SLC51B: variants seen among roughly 807,000 people sequenced by gnomAD.
SLC51B encodes organic solute transporter subunit beta.
Under a neutral mutation model 8.0 loss-of-function variants are expected in SLC51B, and 6 were observed. The observed-to-expected ratio is 0.75, with a 90% CI of 0.41 to 1.48. SLC51B has a LOEUF of 1.48. Among genes scored for constraint, SLC51B ranks in the 40% most tolerant of loss-of-function variants. The pLI, the probability that SLC51B is intolerant of heterozygous loss-of-function variation, is 0.01. For missense variants in SLC51B, 150 were observed against 149.7 expected (o/e 1.00, Z -0.01); for synonymous variants, 61 against 54.8 (o/e 1.11, Z -0.50).
At chr15:65,050,740 T>C (rs965612453) in intron 2 of SLC51B, among the ~76,000 whole-genome samples, 4 of 152,084 alleles carry the variant, frequency 2.6e-5, no homozygotes, top group African/African-American at 9.7e-5. Flanking sequence ...CACATTCAGT[T>C]TAGTCACTTC....
Position 65,049,906 on chromosome 15 carries a change from C to G in SLC51B, c.-99C>G, listed in dbSNP as rs2086626595. The G allele has an allele frequency of 2.4e-6, 2 of 820,036 alleles. No homozygotes were observed. Among genetic ancestry groups the G allele is most frequent in the African/African-American group, 1.8e-5 (1 of 56,992 alleles). The allele number at this position is 820,036 out of a possible 1,614,324, so 50.8% of individuals were successfully genotyped here. A position where few individuals can be genotyped will look rare whatever the true frequency, so the allele number is the denominator to read the frequency against. On this transcript the variant is annotated 5_prime_UTR_variant, in exon 2 of 4. Transcript: ENST00000334287. ...TCTGCTTTGTTTCCAGGGGTCTTCACGGCTTCTCTGCCCAGGGGCCAGAAC... is the reference window on the plus strand; with the variant it reads ...TCTGCTTTGTTTCCAGGGGTCTTCAGGGCTTCTCTGCCCAGGGGCCAGAAC...
chr15:65,049,025 A>AG (rs2086612124), intron 1 of SLC51B, among the ~76,000 whole-genome samples: 1 of 151,932 alleles, frequency 6.6e-6, no homozygotes, highest in Non-Finnish European at 1.5e-5. Context: ...AAAAAAAAAA[A>AG]AAGCGAAATA....
intron 1 of SLC51B, among the ~76,000 whole-genome samples, chr15:65,047,684 T>G (rs2086594204): frequency 6.6e-6 from 1 of 152,170 alleles, no homozygotes; most frequent in Non-Finnish European, 1.5e-5. Context: ...GGACAGTCAG[T>G]TGGAGCTAGA....
intron 1 of SLC51B, among the ~76,000 whole-genome samples, chr15:65,048,683 C>T (rs1383003924): frequency 6.6e-6 from 1 of 152,164 alleles, no homozygotes; most frequent in Non-Finnish European, 1.5e-5. Flanking sequence ...CAAGACACAG[C>T]TTAATGTGTT....
chr15:65,049,963 G>A lies in SLC51B; in HGVS notation c.-42G>A, dbSNP rs1360815804. 1 of 1,493,588 alleles carries A rather than the reference G, an allele frequency of 6.7e-7. No individual in the cohort carries two copies. The highest frequency in any genetic ancestry group is 1.2e-5 in the South Asian group (1 of 81,222). The allele number at this position is 1,493,588 out of a possible 1,614,324, so 92.5% of individuals were successfully genotyped here. ...GGCCAGGAGGGCTGCTGGGGCTAAG[G>A]GGTCTAAGGACCTCGTTGCACACGC... On this transcript the variant is annotated 5_prime_UTR_variant, in exon 2 of 4. Coordinates refer to ENST00000334287, the MANE Select transcript of SLC51B (RefSeq NM_178859.4).
intron 1 of SLC51B, among the ~76,000 whole-genome samples, chr15:65,047,552 T>C (rs1404073110): frequency 1.3e-5 from 2 of 152,164 alleles, no homozygotes; most frequent in Non-Finnish European, 2.9e-5. Flanking sequence ...TCAATACTTT[T>C]CTTTGTGAGT....
chr15:65,045,942 G>A (rs1057036804), intron 1 of SLC51B, among the ~76,000 whole-genome samples: 10 of 152,196 alleles, frequency 6.6e-5, no homozygotes, highest in Non-Finnish European at 1.5e-4. Context: ...GAGGCAGGCC[G>A]ATCACCTGAG....
At chr15:65,047,779 CAGAT>C (rs1025340111) in intron 1 of SLC51B, among the ~76,000 whole-genome samples, 90 of 141,942 alleles carry the variant, frequency 6.3e-4, no homozygotes, top group Non-Finnish European at 1.2e-3. Context: ...GATAGATAGA[CAGAT>C]AGATCGATAG....
intron 1 of SLC51B, chr15:65,049,268 A>G (rs1180845732): frequency 6.6e-6 from 1 of 151,542 alleles, no homozygotes; most frequent in East Asian, 1.9e-4. Context: ...ATTTATCCAG[A>G]GAGCATGGAT....
intron 1 of SLC51B, among the ~76,000 whole-genome samples, chr15:65,046,803 C>T (rs1311450031): frequency 6.6e-6 from 1 of 151,870 alleles, no homozygotes; most frequent in Non-Finnish European, 1.5e-5. Context: ...GTACCAGCTG[C>T]TCAGGAGGCT....
intron 1 of SLC51B, among the ~76,000 whole-genome samples, chr15:65,046,064 C>T (rs1231954140): frequency 1.4e-5 from 2 of 143,024 alleles, no homozygotes; most frequent in Non-Finnish European, 3.0e-5. Context: ...CTTTGGGAGG[C>T]CGAGGCAGAT....
chr15:65,050,191 TC>T, intron 2 of SLC51B, 90 bp downstream of exon 2: 1 of 1,001,378 alleles, frequency 1.0e-6, no homozygotes, highest in Non-Finnish European at 1.5e-6. Context: ...TGTCGTCCCC[TC>T]CAGGTCAGGC....
Position 65,049,943 on chromosome 15 carries a change from G to T in SLC51B, c.-62G>T. ...CCAGGGGCCAGAACCGAGGAGGCCA[G>T]GAGGGCTGCTGGGGCTAAGGGGTCT... On this transcript the variant is annotated 5_prime_UTR_variant, in exon 2 of 4. In the 5' UTR this introduces an upstream ATG that the reference lacks. Coordinates refer to ENST00000334287, the MANE Select transcript of SLC51B (RefSeq NM_178859.4). 12 of 1,366,894 alleles carry T rather than the reference G, an allele frequency of 8.8e-6. No individual in the cohort carries two copies. Among genetic ancestry groups the T allele is most frequent in the Non-Finnish European group, 1.2e-5 (12 of 994,036 alleles). The allele number at this position is 1,366,894 out of a possible 1,614,324, so 84.7% of individuals were successfully genotyped here. A position where few individuals can be genotyped will look rare whatever the true frequency, so the allele number is the denominator to read the frequency against.
intron 2 of SLC51B, among the ~76,000 whole-genome samples, chr15:65,050,940 A>G (rs1415281451): frequency 7.1e-6 from 1 of 139,968 alleles, no homozygotes; most frequent in Admixed American, 7.9e-5. Flanking sequence ...TGCCTCCTGG[A>G]TTCAAGTGAT....
Position 65,053,021 on chromosome 15 carries a change from G to A in SLC51B, c.244G>A (p.Glu82Lys). The change falls in exon 4 of 4, where the codon GAG becomes AAG. Residue 82 changes from glutamate to lysine, a missense_variant. Physicochemically the swap from Glu to Lys is moderately conservative, Grantham distance 56 (BLOSUM62 1). Coordinates refer to ENST00000334287, the MANE Select transcript of SLC51B (RefSeq NM_178859.4). Reference protein sequence around the residue: ...KETPEVLHLDEAKDHNSLNNL... With the variant: ...KETPEVLHLDKAKDHNSLNNL... ...AACTCCAGAAGTCCTGCATTTGGAT[G>A]AGGCCAAGGATCACAACAGCCTAAA... 5 of 1,613,902 alleles carry A rather than the reference G, an allele frequency of 3.1e-6. No individual in the cohort carries two copies. Among genetic ancestry groups the A allele is most frequent in the Non-Finnish European group, 3.4e-6 (4 of 1,180,014 alleles).
At chr15:65,050,166 T>G in intron 2 of SLC51B, 65 bp downstream of exon 2, 2 of 1,322,938 alleles carry the variant, frequency 1.5e-6, no homozygotes, top group Non-Finnish European at 2.1e-6. Context: ...AGAGTTTGGC[T>G]GAAGGTCCTG....
At chr15:65,048,137 C>T (rs1367770303) in intron 1 of SLC51B, among the ~76,000 whole-genome samples, 6 of 151,094 alleles carry the variant, frequency 4.0e-5, no homozygotes, top group African/African-American at 1.5e-4. Context: ...GCTGAGATCA[C>T]GTCACTGCAC....
At chr15:65,049,513 G>A (rs2086621319) in intron 1 of SLC51B, 1 of 152,252 alleles carries the variant, frequency 6.6e-6, no homozygotes, top group East Asian at 1.9e-4. Context: ...GGGAAACACA[G>A]GCCTGTGATT....
intron 3 of SLC51B, among the ~76,000 whole-genome samples, chr15:65,052,129 G>T (rs1377440130): frequency 6.6e-6 from 1 of 152,224 alleles, no homozygotes; most frequent in Non-Finnish European, 1.5e-5. Context: ...AATGAAGGTG[G>T]TTGGGGGAGG....
Sources: gnomAD v4.1 joint callset for allele counts (sites outside exome capture counted in the v4.1 genomes callset) on GRCh38, gnomAD v4.1.1 for gene constraint, MANE v1.5 for transcripts, NCBI Gene and HGNC (gene_info 2026-07-23, HGNC 2026-07-21) for gene names.